PCDH15: variants seen among roughly 807,000 people sequenced by gnomAD.
PCDH15 encodes protocadherin-15.
In PCDH15, 129 loss-of-function variants were observed where a neutral mutation model predicts 178.5. The observed-to-expected ratio is 0.72, with a 90% CI of 0.63 to 0.84. The LOEUF is 0.84. Among genes scored for constraint, PCDH15 ranks in the 40% least tolerant of loss-of-function variants. PCDH15 has a pLI of 0.00. For synonymous variants in PCDH15, 800 were observed against 732.0 expected (o/e 1.09, Z -1.50); for missense variants, 2,230 against 2,099.9 (o/e 1.06, Z -1.21).
At chr10:54,147,131 T>C (rs2044059973) in intron 14 of PCDH15, among the ~76,000 whole-genome samples, 1 of 151,038 alleles carries the variant, frequency 6.6e-6, no homozygotes, top group African/African-American at 2.4e-5. Flanking sequence ...ATTCATCAAT[T>C]CAATTTGAAG....
intron 27 of PCDH15, among the ~76,000 whole-genome samples, chr10:53,864,935 C>T (rs949188965): frequency 2.0e-5 from 3 of 152,096 alleles, no homozygotes; most frequent in Middle Eastern, 3.4e-3. Flanking sequence ...CACTCAAAGC[C>T]GTCATGTAAC....
At chr10:53,976,192 G>C (rs1468173458) in intron 21 of PCDH15, among the ~76,000 whole-genome samples, 1 of 152,032 alleles carries the variant, frequency 6.6e-6, no homozygotes, top group East Asian at 1.9e-4. Flanking sequence ...AATATAGTTT[G>C]ATGTAGGGTA....
At chr10:53,933,174 A>T (rs574154680) in intron 25 of PCDH15, among the ~76,000 whole-genome samples, 51 of 151,024 alleles carry the variant, frequency 3.4e-4, no homozygotes, top group Middle Eastern at 3.4e-3. Context: ...TTTTTTTTTT[A>T]AATTTTATTA....
intron 2 of PCDH15, among the ~76,000 whole-genome samples, chr10:54,663,692 CAA>C (rs11429433): frequency 1.9e-4 from 27 of 144,226 alleles, no homozygotes; most frequent in Non-Finnish European, 2.3e-4. Context: ...CTATTCTTCC[CAA>C]AAAAAAAAAA....
intron 2 of PCDH15, among the ~76,000 whole-genome samples, chr10:55,040,227 A>G (rs1840832017): frequency 6.6e-6 from 1 of 152,070 alleles, no homozygotes; most frequent in Admixed American, 6.6e-5. Context: ...TAATTTGTCA[A>G]TGGCAGCAAT....
At chr10:53,901,045 T>C (rs944249814) in intron 26 of PCDH15, among the ~76,000 whole-genome samples, 2 of 152,136 alleles carry the variant, frequency 1.3e-5, no homozygotes, top group African/African-American at 4.8e-5. Flanking sequence ...TTTCCATGGT[T>C]CAGGGACCTT....
intron 2 of PCDH15, among the ~76,000 whole-genome samples, chr10:55,460,185 G>A (rs1339267867): frequency 6.6e-6 from 1 of 151,488 alleles, no homozygotes; most frequent in African/African-American, 2.4e-5. Context: ...TGATGTAAAA[G>A]AATATTATTA....
chr10:53,933,691 T>C (rs1235386468), intron 25 of PCDH15, among the ~76,000 whole-genome samples: 2 of 152,260 alleles, frequency 1.3e-5, no homozygotes, highest in Non-Finnish European at 2.9e-5. Flanking sequence ...ATATACCCAG[T>C]AATGGGATGG....
chr10:54,480,014 G>A (rs2078595278), intron 3 of PCDH15, among the ~76,000 whole-genome samples: 1 of 151,998 alleles, frequency 6.6e-6, no homozygotes, highest in Non-Finnish European at 1.5e-5. Flanking sequence ...TGACTCACTA[G>A]AGTTGAAAAT....
intron 2 of PCDH15, among the ~76,000 whole-genome samples, chr10:55,499,151 A>G (rs188305597): frequency 6.6e-6 from 1 of 151,916 alleles, no homozygotes. Context: ...CTTCTTGGTG[A>G]GACACTGAGC....
At position 55,244,569 on chromosome 10, in the gene PCDH15, T is replaced by TTA. The variant is rs200481424; in HGVS notation, c.-156+75028_-156+75029dup. 5.6e-4 allele frequency among the ~76,000 whole-genome samples: 85 copies of TTA among 151,520 alleles called. 1 individual carries two copies. Among genetic ancestry groups the TTA allele is most frequent in the East Asian group, 1.4e-3 (7 of 5,150 alleles). ...GTTGTTCTGTGTGTAACAACTGAAC[T>TTA]TATACACACACACACACACACACAA... On this transcript the variant is annotated intron_variant, in intron 1 of 5. Coordinates refer to the PCDH15 transcript ENST00000458638.
chr10:54,494,066 T>C (rs1055614856), intron 3 of PCDH15, among the ~76,000 whole-genome samples: 2 of 125,126 alleles, frequency 1.6e-5, no homozygotes, highest in East Asian at 2.7e-4. Flanking sequence ...AAGGGGAACA[T>C]CACACTCTGG....
At chr10:55,502,339 G>T (rs996686161) in intron 2 of PCDH15, among the ~76,000 whole-genome samples, 3 of 151,228 alleles carry the variant, frequency 2.0e-5, no homozygotes, top group Non-Finnish European at 3.0e-5. Flanking sequence ...CATCCTCTTT[G>T]CCCAGAGAGC....
At chr10:55,446,184 T>TAC (rs762344251) in intron 2 of PCDH15, among the ~76,000 whole-genome samples, 47 of 151,066 alleles carry the variant, frequency 3.1e-4, no homozygotes, top group Non-Finnish European at 4.4e-4. Context: ...CACATTGACA[T>TAC]ACACACACTC....
intron 2 of PCDH15, among the ~76,000 whole-genome samples, chr10:55,050,157 G>A (rs1392622060): frequency 6.6e-6 from 1 of 151,982 alleles, no homozygotes; most frequent in African/African-American, 2.4e-5. Flanking sequence ...ATGCATGGAT[G>A]TATTGTTTAA....
chr10:54,781,855 G>A (rs536722201), intron 1 of PCDH15, among the ~76,000 whole-genome samples: 4 of 152,176 alleles, frequency 2.6e-5, no homozygotes, highest in Admixed American at 1.3e-4. Context: ...CAAACACGAG[G>A]TTCCTGCTTT....
rs1020285012 is a variant in PCDH15, at chr10:55,327,481, A to T, written c.-155-160830T>A. Among the ~76,000 whole-genome samples the T allele has an allele frequency of 1.2e-4, 18 of 152,116 alleles. No homozygotes were observed. In the East Asian group the frequency reaches 3.5e-3, roughly 29 times the overall value. ...GCTGTTATCAGAAGAATCATACTAA[A>T]GGCAAGTTTAACATACAACAGAAAA... On this transcript the variant is annotated intron_variant, in intron 2 of 5. Transcript: ENST00000613346.
chr10:55,144,365 GC>G (rs766554543), intron 2 of PCDH15, among the ~76,000 whole-genome samples: 2,225 of 152,188 alleles, frequency 0.015, 39 homozygotes, highest in Non-Finnish European at 0.022. Flanking sequence ...CTGCATGGAA[GC>G]AATATACAAT....
intron 3 of PCDH15, among the ~76,000 whole-genome samples, chr10:54,881,641 C>G (rs1238276556): frequency 6.6e-6 from 1 of 151,912 alleles, no homozygotes; most frequent in African/African-American, 2.4e-5. Flanking sequence ...GTGAATCATC[C>G]GTAGTTATAG....
Sources: gnomAD v4.1 joint callset for allele counts (sites outside exome capture counted in the v4.1 genomes callset) on GRCh38, gnomAD v4.1.1 for gene constraint, MANE v1.5 for transcripts, NCBI Gene and HGNC (gene_info 2026-07-23, HGNC 2026-07-21) for gene names.